Variants in TMEM116 observed in about 807,000 individuals in gnomAD.
TMEM116 encodes transmembrane protein 116.
In TMEM116, 38 loss-of-function variants were observed where a neutral mutation model predicts 44.3. That is an observed-to-expected ratio of 0.86 (90% CI 0.66 to 1.12). The LOEUF is 1.12. Among genes scored for constraint, TMEM116 ranks in the 50% most tolerant of loss-of-function variants. The pLI, the probability that TMEM116 is intolerant of heterozygous loss-of-function variation, is 0.00. For missense variants in TMEM116, 354 were observed against 401.7 expected (o/e 0.88, Z 1.01); for synonymous variants, 132 against 144.8 (o/e 0.91, Z 0.64).
intron 4 of TMEM116, among the ~76,000 whole-genome samples, chr12:111,949,263 A>G (rs1001155498): frequency 6.6e-6 from 1 of 152,250 alleles, no homozygotes; most frequent in African/African-American, 2.4e-5. Flanking sequence ...TGATCCCTTC[A>G]AAACTAAAAA....
intron 4 of TMEM116, among the ~76,000 whole-genome samples, chr12:111,956,947 T>C (rs1243259652): frequency 6.6e-6 from 1 of 151,784 alleles, no homozygotes; most frequent in Non-Finnish European, 1.5e-5. Context: ...GTATAGGAAG[T>C]GAGGAGCGTC....
chr12:111,934,118 C>A, intron 8 of TMEM116, 88 bp from the exon 9 acceptor site: 1 of 1,407,896 alleles, frequency 7.1e-7, no homozygotes, highest in East Asian at 2.5e-5. Flanking sequence ...AAAGATTATT[C>A]TCTTAGAATC....
chr12:112,013,166 G>A (rs928922873), upstream of TMEM116: 4 of 395,620 alleles, frequency 1.0e-5, no homozygotes, highest in Non-Finnish European at 1.4e-5. Context: ...GAACGGAACT[G>A]GGCGGACCCG....
At chr12:112,011,340 TACAC>T (rs1214316557) in intron 1 of TMEM116, 2 of 152,106 alleles carry the variant, frequency 1.3e-5, no homozygotes, top group African/African-American at 4.8e-5. Context: ...CATTCACACA[TACAC>T]ACACACAAAC....
At chr12:111,982,132 A>G (rs1413190689) in intron 4 of TMEM116, among the ~76,000 whole-genome samples, 4 of 152,192 alleles carry the variant, frequency 2.6e-5, no homozygotes, top group African/African-American at 9.6e-5. Context: ...CATGGTGACT[A>G]CAGTTAATAA....
At chr12:111,965,621 G>A in intron 4 of TMEM116, 1 of 231,260 alleles carries the variant, frequency 4.3e-6, no homozygotes, top group Non-Finnish European at 8.9e-6. Context: ...TGAAAATTAG[G>A]CCATAAAGAT....
At chr12:111,957,896 T>C (rs1345754982) in intron 4 of TMEM116, among the ~76,000 whole-genome samples, 1 of 152,206 alleles carries the variant, frequency 6.6e-6, no homozygotes, top group Admixed American at 6.5e-5. Context: ...TAGAAAGAAG[T>C]AGACATAGGA....
intron 2 of TMEM116, 53 bp from the exon 3 acceptor site, chr12:112,003,916 C>T (rs2077425960): frequency 9.9e-6 from 14 of 1,417,294 alleles, no homozygotes; most frequent in South Asian, 3.1e-5. Flanking sequence ...GGAGTGCCAT[C>T]GTTTTTGTTA....
Position 111,936,688 on chromosome 12 carries a change from A to G in TMEM116, c.588+4T>C. The G allele has an allele frequency of 1.2e-6, 2 of 1,613,436 alleles. No homozygotes were observed. The highest frequency in any genetic ancestry group is 1.7e-6 in the Non-Finnish European group (2 of 1,179,662). On this transcript the variant is annotated splice_donor_region_variant and intron_variant, in intron 8 of 10. Coordinates refer to ENST00000552374, the MANE Select transcript of TMEM116 (RefSeq NM_001193531.2). The stretch of plus-strand genomic sequence containing the variant: ...CCACAAAGGAAGGTAGGGTGGTACC[A>G]TACCATAATGGTAAGGAGGCTGAGT...
intron 3 of TMEM116, among the ~76,000 whole-genome samples, chr12:111,997,601 A>G (rs1390414082): frequency 1.3e-5 from 2 of 152,058 alleles, no homozygotes; most frequent in East Asian, 3.9e-4. Context: ...AACAGAACAG[A>G]TATTACCTAA....
At chr12:111,937,107 G>C in intron 7 of TMEM116, 53 bp downstream of exon 7, 1 of 1,478,804 alleles carries the variant, frequency 6.8e-7, no homozygotes, top group Non-Finnish European at 9.4e-7. Flanking sequence ...TCTATTTATA[G>C]AAACAAATAG....
chr12:112,000,318 G>A (rs1436302391), intron 3 of TMEM116, among the ~76,000 whole-genome samples: 1 of 152,018 alleles, frequency 6.6e-6, no homozygotes, highest in Non-Finnish European at 1.5e-5. Flanking sequence ...CTAGAGATAA[G>A]CATTCACATC....
chr12:111,970,838 C>T (rs1434047783), intron 4 of TMEM116, among the ~76,000 whole-genome samples: 1 of 151,970 alleles, frequency 6.6e-6, no homozygotes, highest in African/African-American at 2.4e-5. Flanking sequence ...TCCGCCCGCC[C>T]ACCTTGGCCT....
Position 111,978,232 on chromosome 12 carries a change from TC to T in TMEM116, c.210+13525del, listed in dbSNP as rs2075771659. On this transcript the variant is annotated intron_variant, in intron 4 of 10. Coordinates refer to ENST00000552374, the MANE Select transcript of TMEM116 (RefSeq NM_001193531.2). ...CTGACCAACATGGTAAAACCCTGTCTCTACTAAAAATACAAAAAGTTAGCCA... is the reference window on the plus strand; with the variant it reads ...CTGACCAACATGGTAAAACCCTGTCTTACTAAAAATACAAAAAGTTAGCCA... Among the ~76,000 whole-genome samples, 7 of 151,932 alleles carry T rather than the reference TC, an allele frequency of 4.6e-5. No homozygotes were observed. In the South Asian group the frequency reaches 1.5e-3, roughly 32 times the overall value.
At chr12:111,960,399 G>A (rs534260674) in intron 4 of TMEM116, among the ~76,000 whole-genome samples, 2 of 149,622 alleles carry the variant, frequency 1.3e-5, no homozygotes, top group South Asian at 4.3e-4. Context: ...GGCTGAGGCA[G>A]GAGAATGACG....
intron 4 of TMEM116, among the ~76,000 whole-genome samples, chr12:111,956,530 G>T (rs914955048): frequency 2.0e-5 from 3 of 151,992 alleles, no homozygotes; most frequent in Non-Finnish European, 4.4e-5. Context: ...CATGGTCCTC[G>T]TCTCCCCTTT....
Position 111,943,228 on chromosome 12 carries a change from A to G in TMEM116, c.315+37T>C, listed in dbSNP as rs773881729. 3 of 1,524,044 alleles carry G rather than the reference A, an allele frequency of 2.0e-6. No individual in the cohort carries two copies. The Admixed American group carries it at 5.0e-5, about 25-fold the overall frequency. 94.4% of individuals were successfully genotyped at this position (1,524,044 alleles called of 1,614,324 possible). A position where few individuals can be genotyped will look rare whatever the true frequency, so the allele number is the denominator to read the frequency against. On this transcript the variant is annotated intron_variant, in intron 5 of 10. Transcript: ENST00000552374. ...TAGGAGTCACCACACCCGGCCTAGC[A>G]TACTATTATTAACTATCAGCCCTGA...
At chr12:111,992,238 A>C (rs2076653261) in intron 3 of TMEM116, among the ~76,000 whole-genome samples, 1 of 151,006 alleles carries the variant, frequency 6.6e-6, no homozygotes, top group Non-Finnish European at 1.5e-5. Context: ...GACAATTGAG[A>C]GTGCTTTAGT....
chr12:111,941,374 CAA>C (rs539600816), intron 5 of TMEM116, among the ~76,000 whole-genome samples: 18 of 60,384 alleles, frequency 3.0e-4, no homozygotes, highest in African/African-American at 5.8e-4. Flanking sequence ...GATTCCATCT[CAA>C]AAAAAAAAAA....
Sources: gnomAD v4.1 joint callset for allele counts (sites outside exome capture counted in the v4.1 genomes callset) on GRCh38, gnomAD v4.1.1 for gene constraint, MANE v1.5 for transcripts, NCBI Gene and HGNC (gene_info 2026-07-23, HGNC 2026-07-21) for gene names.